The following FAM151B variants were observed in gnomAD, a reference collection of about 807,000 sequenced individuals.
FAM151B encodes the protein protein FAM151B.
FAM151B carries 24 observed loss-of-function variants against 31.2 expected under a neutral mutation model. That is an observed-to-expected ratio of 0.77 (90% CI 0.56 to 1.08). FAM151B has a LOEUF of 1.08. Among genes scored for constraint, FAM151B ranks in the 50% least tolerant of loss-of-function variants. The probability of loss-of-function intolerance (pLI) is 0.00; values close to 1 mark genes in which losing one functional copy is unlikely to be tolerated. For missense variants in FAM151B, 293 were observed against 328.6 expected (o/e 0.89, Z 0.84); for synonymous variants, 105 against 111.4 (o/e 0.94, Z 0.36).
At chr5:80,530,211 A>C (rs1406596419) in intron 5 of FAM151B, among the ~76,000 whole-genome samples, 2 of 152,182 alleles carry the variant, frequency 1.3e-5, no homozygotes, top group Admixed American at 1.3e-4. Flanking sequence ...ACTCTCAATA[A>C]ACTAGGTATT....
Position 80,538,452 on chromosome 5 carries a change from T to TTCTTTCTTTC in FAM151B, c.672-3219_672-3210dup, listed in dbSNP as rs1561383577. On this transcript the variant is annotated intron_variant, in intron 5 of 5. Coordinates refer to ENST00000282226, the MANE Select transcript of FAM151B (RefSeq NM_205548.3). ...TCTTTCTTTCTTTCTTTCTTTCTCTTTCTTTCTTTCTTTCTTTCTTTCTTT... is the reference window on the plus strand; with the variant it reads ...TCTTTCTTTCTTTCTTTCTTTCTCTTTCTTTCTTTCTCTTTCTTTCTTTCTTTCTTTCTTT... Among the ~76,000 whole-genome samples, 42 of 49,536 alleles carry TTCTTTCTTTC rather than the reference T, an allele frequency of 8.5e-4. 5 individuals carry two copies. The highest frequency in any genetic ancestry group is 1.8e-3 in the Admixed American group (7 of 3,916). 32.5% of individuals were successfully genotyped at this position (49,536 alleles called of 152,430 possible).
chr5:80,538,006 A>G (rs565383829), intron 5 of FAM151B, among the ~76,000 whole-genome samples: 201 of 152,136 alleles, frequency 1.3e-3, no homozygotes, highest in African/African-American at 4.7e-3. Flanking sequence ...TTCTTTATAC[A>G]TATAAGAGTA....
Position 80,501,830 on chromosome 5 carries a change from A to G in FAM151B, c.64A>G (p.Asn22Asp). 2.5e-6 allele frequency: 4 copies of G among 1,603,364 alleles called. No homozygotes were observed. The highest frequency in any genetic ancestry group is 3.4e-6 in the Non-Finnish European group (4 of 1,173,202). ...SENILEYFLR[N>D]SQITAEDGAE... ...AAATATACTGGAATATTTTCTGAGA[A>G]ATAGCCAGATTACAGCAGAAGACGG... The change falls in exon 2 of 6, where the codon AAT becomes GAT. Residue 22 changes from asparagine to aspartate, a missense_variant. Coordinates refer to ENST00000282226, the MANE Select transcript of FAM151B (RefSeq NM_205548.3).
At chr5:80,488,245 G>C (rs1289700620) in intron 1 of FAM151B, 97 bp downstream of exon 1, 1 of 1,419,138 alleles carries the variant, frequency 7.0e-7, no homozygotes, top group African/African-American at 1.5e-5. Flanking sequence ...GGTCTTCCTT[G>C]CTAGGGACCT....
chr5:80,500,619 G>A (rs1168171736), intron 1 of FAM151B: 3 of 760,314 alleles, frequency 3.9e-6, no homozygotes, highest in Admixed American at 1.7e-5. Context: ...AGGATCAGAG[G>A]TGTCAGTGGT....
intron 1 of FAM151B, among the ~76,000 whole-genome samples, chr5:80,494,034 T>C (rs1743411183): frequency 6.6e-6 from 1 of 152,196 alleles, no homozygotes; most frequent in African/African-American, 2.4e-5. Flanking sequence ...GTACTCTTTC[T>C]CTTTATTTCT....
intron 1 of FAM151B, among the ~76,000 whole-genome samples, chr5:80,494,097 G>A (rs113362389): frequency 6.6e-6 from 1 of 152,134 alleles, no homozygotes; most frequent in South Asian, 2.1e-4. Context: ...TGAAATATTG[G>A]GGGCTGGTTC....
intron 1 of FAM151B, among the ~76,000 whole-genome samples, chr5:80,492,920 C>T (rs1743379621): frequency 6.6e-6 from 1 of 152,106 alleles, no homozygotes; most frequent in Admixed American, 6.5e-5. Flanking sequence ...CACCACTACA[C>T]ACCAGCCTGG....
chr5:80,491,202 CTATTAT>C (rs60195799), intron 1 of FAM151B, among the ~76,000 whole-genome samples: 64 of 147,378 alleles, frequency 4.3e-4, no homozygotes, highest in African/African-American at 8.5e-4. Context: ...ATATAATACA[CTATTAT>C]TATTATTATT....
At chr5:80,529,453 G>C (rs1745123254) in intron 5 of FAM151B, among the ~76,000 whole-genome samples, 1 of 152,092 alleles carries the variant, frequency 6.6e-6, no homozygotes, top group Admixed American at 6.5e-5. Context: ...CCAGGAGCTG[G>C]TTTTTTGAAA....
intron 3 of FAM151B, among the ~76,000 whole-genome samples, chr5:80,516,406 TAAAC>T (rs1336565143): frequency 2.0e-5 from 3 of 152,238 alleles, no homozygotes; most frequent in Admixed American, 6.5e-5. Flanking sequence ...TATTTTCCCT[TAAAC>T]AATGCAATTT....
At chr5:80,497,060 C>T (rs886462449) in intron 1 of FAM151B, among the ~76,000 whole-genome samples, 1 of 151,930 alleles carries the variant, frequency 6.6e-6, no homozygotes, top group Non-Finnish European at 1.5e-5. Context: ...ATCTGCCCAC[C>T]TCGACCTCCC....
intron 5 of FAM151B, among the ~76,000 whole-genome samples, chr5:80,540,134 C>T (rs1325726262): frequency 6.6e-6 from 1 of 152,076 alleles, no homozygotes; most frequent in East Asian, 1.9e-4. Flanking sequence ...TACAACAATA[C>T]CCTTTTTCCT....
intron 1 of FAM151B, chr5:80,500,474 C>A: frequency 1.2e-6 from 1 of 837,778 alleles, no homozygotes; most frequent in Non-Finnish European, 2.0e-6. Context: ...AAGGAGGAAG[C>A]TTATCTGTGA....
chr5:80,533,481 A>T (rs1745341753), intron 5 of FAM151B, among the ~76,000 whole-genome samples: 1 of 150,236 alleles, frequency 6.7e-6, no homozygotes, highest in Non-Finnish European at 1.5e-5. Flanking sequence ...GAGCGAGCAC[A>T]GTGTCTCACG....
intron 1 of FAM151B, chr5:80,500,227 C>A: frequency 5.7e-6 from 3 of 529,060 alleles, no homozygotes; most frequent in South Asian, 2.5e-5. Flanking sequence ...GATGACAAAA[C>A]AATGGCTATG....
intron 2 of FAM151B, among the ~76,000 whole-genome samples, chr5:80,503,989 A>G (rs940667184): frequency 6.6e-6 from 1 of 152,164 alleles, no homozygotes; most frequent in Non-Finnish European, 1.5e-5. Flanking sequence ...GGGGCTGGGC[A>G]GCTTCTGTAT....
At chr5:80,539,370 A>AT (rs11377216) in intron 5 of FAM151B, among the ~76,000 whole-genome samples, 82,490 of 151,734 alleles carry the variant, frequency 0.54, 22,559 homozygotes, top group African/African-American at 0.6. Flanking sequence ...TTATTTAATG[A>AT]TTTTTTTTAA....
At chr5:80,537,220 T>A (rs1561382490) in intron 5 of FAM151B, among the ~76,000 whole-genome samples, 2 of 152,186 alleles carry the variant, frequency 1.3e-5, no homozygotes, top group Non-Finnish European at 2.9e-5. Flanking sequence ...CCAATTCCTG[T>A]CGCTCCTGGA....
Sources: gnomAD v4.1 joint callset for allele counts (sites outside exome capture counted in the v4.1 genomes callset) on GRCh38, gnomAD v4.1.1 for gene constraint, MANE v1.5 for transcripts, NCBI Gene and HGNC (gene_info 2026-07-23, HGNC 2026-07-21) for gene names.